Variants in NLGN1 observed in about 807,000 individuals in gnomAD.
NLGN1 encodes neuroligin 1, also known as neuroligin-1.
NLGN1 carries 12 observed loss-of-function variants against 65.5 expected under a neutral mutation model. The observed-to-expected ratio is 0.18, with a 90% CI of 0.12 to 0.30. The LOEUF (loss-of-function observed/expected upper bound fraction) is 0.30. NLGN1 is among the 10% of genes least tolerant of loss of function. The pLI, the probability that NLGN1 is intolerant of heterozygous loss-of-function variation, is 1.00. For missense variants in NLGN1, 750 were observed against 1,007.1 expected (o/e 0.74, Z 3.46); for synonymous variants, 350 against 359.5 (o/e 0.97, Z 0.30).
At chr3:174,077,222 G>C (rs1034196132) in intron 4 of NLGN1, among the ~76,000 whole-genome samples, 6 of 151,532 alleles carry the variant, frequency 4.0e-5, no homozygotes, top group African/African-American at 1.5e-4. Context: ...TTTAAAATGA[G>C]ATTATGTAGA....
At chr3:173,805,675 C>CT (rs1311286955) in intron 3 of NLGN1, among the ~76,000 whole-genome samples, 3 of 152,154 alleles carry the variant, frequency 2.0e-5, no homozygotes, top group Non-Finnish European at 2.9e-5. Context: ...AAGAAGAATT[C>CT]TGAAACAGCC....
rs1413929134 is a variant in NLGN1, at chr3:174,075,988, T to G, written c.647-199327T>G. Among the ~76,000 whole-genome samples, 8 of 152,270 alleles carry G rather than the reference T, an allele frequency of 5.3e-5. No homozygotes were observed. In the East Asian group the frequency reaches 1.5e-3, roughly 29 times the overall value. On this transcript the variant is annotated intron_variant, in intron 4 of 6. Transcript: ENST00000457714. The stretch of plus-strand genomic sequence containing the variant: ...GACTAAGTAATTAAACTAGGCGACA[T>G]CACTTTATTTTACATATGTCTGCCT...
chr3:174,272,688 T>TAGATAGAC (rs770155868), intron 4 of NLGN1, among the ~76,000 whole-genome samples: 2 of 147,488 alleles, frequency 1.4e-5, no homozygotes, highest in African/African-American at 5.0e-5. Flanking sequence ...GATAGATAGA[T>TAGATAGAC]AGATAGATAG....
chr3:173,847,688 A>G (rs984160517), intron 4 of NLGN1, among the ~76,000 whole-genome samples: 3 of 152,270 alleles, frequency 2.0e-5, no homozygotes, highest in South Asian at 4.1e-4. Flanking sequence ...CCTGGCCAAC[A>G]TGGCAAAACC....
chr3:173,816,403 G>A (rs1719050147), intron 4 of NLGN1, among the ~76,000 whole-genome samples: 1 of 152,224 alleles, frequency 6.6e-6, no homozygotes, highest in Admixed American at 6.5e-5. Context: ...ATAGCATTCA[G>A]TGGTGGAACC....
At chr3:173,838,222 A>AG (rs1435588314) in intron 4 of NLGN1, among the ~76,000 whole-genome samples, 13 of 151,722 alleles carry the variant, frequency 8.6e-5, no homozygotes. Flanking sequence ...GAAAATTAAA[A>AG]AAAAAAAGGT....
At chr3:173,953,704 A>G (rs1237488866) in intron 4 of NLGN1, among the ~76,000 whole-genome samples, 3 of 151,976 alleles carry the variant, frequency 2.0e-5, no homozygotes. Context: ...ACAGGCATGC[A>G]CCACGTCTGG....
At chr3:173,818,892 G>GCTCTTTTTTTTTTTTTTT (rs1719579570) in intron 4 of NLGN1, among the ~76,000 whole-genome samples, 1 of 21,316 alleles carries the variant, frequency 4.7e-5, no homozygotes, top group African/African-American at 2.7e-4. Flanking sequence ...CCTTTGAATA[G>GCTCTTTTTTTTTTTTTTT]TTCTTTTTTT....
intron 4 of NLGN1, among the ~76,000 whole-genome samples, chr3:173,872,253 T>G (rs1731314256): frequency 6.6e-6 from 1 of 152,204 alleles, no homozygotes; most frequent in Non-Finnish European, 1.5e-5. Flanking sequence ...GACTAGCTAT[T>G]TAGTCTAAAT....
At chr3:173,743,534 A>G (rs772817131) in intron 3 of NLGN1, among the ~76,000 whole-genome samples, 3 of 152,146 alleles carry the variant, frequency 2.0e-5, no homozygotes, top group Admixed American at 6.5e-5. Flanking sequence ...CCTCTTTCAC[A>G]TAGAATTTGA....
In NLGN1 at chr3:173,704,073, A is replaced by AT. The variant is rs137958383; in HGVS notation, c.493+98990dup. Among the ~76,000 whole-genome samples the AT allele has an allele frequency of 1.8e-4, 28 of 152,000 alleles. No homozygotes were observed. The East Asian group carries it at 2.9e-3, about 16-fold the overall frequency. On this transcript the variant is annotated intron_variant, in intron 3 of 6. Coordinates refer to ENST00000457714, the Ensembl canonical transcript of NLGN1. The stretch of plus-strand genomic sequence containing the variant: ...CATATTGTGTTATTGCCTGCCTTTT[A>AT]TTTTTTTTACCTGCAGTAGCAGATG...
intron 4 of NLGN1, among the ~76,000 whole-genome samples, chr3:174,164,915 G>T (rs569818195): frequency 6.6e-6 from 1 of 152,124 alleles, no homozygotes; most frequent in African/African-American, 2.4e-5. Context: ...ATTGCTTTGG[G>T]CTGTATGGAT....
chr3:174,154,936 T>TTTTATATATAATATAATATATAA, intron 4 of NLGN1, among the ~76,000 whole-genome samples: 1 of 91,648 alleles, frequency 1.1e-5, no homozygotes, highest in East Asian at 4.1e-4. Flanking sequence ...TAATTTATAT[T>TTTTATATATAATATAATATATAA]TTATATATAA....
At chr3:173,861,177 A>T (rs1199915306) in intron 4 of NLGN1, among the ~76,000 whole-genome samples, 1 of 152,210 alleles carries the variant, frequency 6.6e-6, no homozygotes, top group Non-Finnish European at 1.5e-5. Context: ...AAACTTGATG[A>T]CATAAAAACA....
chr3:173,638,032 A>G (rs1464161318), intron 3 of NLGN1, among the ~76,000 whole-genome samples: 2 of 152,110 alleles, frequency 1.3e-5, no homozygotes, highest in Non-Finnish European at 2.9e-5. Flanking sequence ...TTTAATAGAG[A>G]TATTTACTTT....
intron 3 of NLGN1, among the ~76,000 whole-genome samples, chr3:173,645,636 A>T (rs1758130635): frequency 6.6e-6 from 1 of 152,186 alleles, no homozygotes; most frequent in Admixed American, 6.5e-5. Context: ...ATGGGGAAAA[A>T]TCAGAGTTCT....
intron 4 of NLGN1, among the ~76,000 whole-genome samples, chr3:174,037,466 T>C (rs1178929910): frequency 6.6e-6 from 1 of 152,178 alleles, no homozygotes; most frequent in Non-Finnish European, 1.5e-5. Flanking sequence ...AACTATCTTT[T>C]GATGTTAGAG....
At chr3:173,961,810 C>A (rs1713642250) in intron 4 of NLGN1, among the ~76,000 whole-genome samples, 1 of 152,002 alleles carries the variant, frequency 6.6e-6, no homozygotes, top group African/African-American at 2.4e-5. Context: ...CTCACATAAG[C>A]TACCCTGAGT....
At chr3:174,196,325 G>A (rs373699931) in intron 4 of NLGN1, among the ~76,000 whole-genome samples, 16 of 150,634 alleles carry the variant, frequency 1.1e-4, no homozygotes, top group East Asian at 1.9e-4. Flanking sequence ...TCTTTTTTTC[G>A]CTGCATTGAT....
Sources: allele counts gnomAD v4.1 joint callset (sites outside exome capture counted in the v4.1 genomes callset), GRCh38; gene constraint gnomAD v4.1.1; transcripts MANE v1.5; gene names NCBI Gene and HGNC (gene_info 2026-07-23, HGNC 2026-07-21).